The following CDH2 variants were observed in gnomAD, a reference collection of about 807,000 sequenced individuals.
The protein encoded by CDH2 is cadherin 2, also known as cadherin-2.
In CDH2, 17 loss-of-function variants were observed where a neutral mutation model predicts 92.0. The ratio of observed to expected loss-of-function variants is 0.18; its 90% CI spans 0.13 to 0.28. The LOEUF is 0.28. Ranked by LOEUF, CDH2 falls within the 10% of genes least tolerant of loss-of-function variation. CDH2 has a pLI of 1.00. For synonymous variants in CDH2, 419 were observed against 415.9 expected, an observed-to-expected ratio of 1.01 and a Z score of -0.09; for missense variants, 862 against 1,133.1, an observed-to-expected ratio of 0.76 and a Z score of 3.44.
At chr18:28,030,214 C>G (rs2013658162) in intron 2 of CDH2, among the ~76,000 whole-genome samples, 1 of 151,784 alleles carries the variant, frequency 6.6e-6, no homozygotes, top group Non-Finnish European at 1.5e-5. Context: ...CATTTGACTT[C>G]CATAAGCATA....
At chr18:27,966,980 TA>T (rs1283245134) in intron 14 of CDH2, among the ~76,000 whole-genome samples, 1 of 152,140 alleles carries the variant, frequency 6.6e-6, no homozygotes, top group Non-Finnish European at 1.5e-5. Flanking sequence ...TTATACACTA[TA>T]GTAATAATTT....
intron 2 of CDH2, among the ~76,000 whole-genome samples, chr18:28,074,690 C>CT (rs199791810): frequency 0.22 from 29,744 of 136,008 alleles, 3,426 homozygotes; most frequent in Non-Finnish European, 0.27. Flanking sequence ...TAAAGGAGGC[C>CT]CTTTTTTTTT....
chr18:28,131,393 T>C (rs2015767398), intron 2 of CDH2, among the ~76,000 whole-genome samples: 1 of 152,212 alleles, frequency 6.6e-6, no homozygotes, highest in South Asian at 2.1e-4. Flanking sequence ...TAGCGAGATC[T>C]CAGTGCAAGC....
In CDH2 at chr18:27,963,501, C is replaced by A. The variant is rs779729541; in HGVS notation, c.2370G>T (p.Leu790=). ...CAGGCTCCACAGTGTCAGGCTGCTG[C>A]AGCTGGCTCAAGTCATAGTCCTGCA... The part of the protein sequence containing the change: ...EEDQDYDLSQ[L]QQPDTVEPDA... Residue 790 remains leucine, a synonymous_variant, in exon 15 of 16, where the codon CTG becomes CTT. Coordinates refer to ENST00000269141, the MANE Select transcript of CDH2 (RefSeq NM_001792.5). 1 of 1,613,994 alleles carries A rather than the reference C, an allele frequency of 6.2e-7. No individual in the cohort carries two copies.
rs879180473 is a variant in CDH2, at chr18:28,147,728, A to G, written c.117T>C (p.Asp39=). The G allele has an allele frequency of 2.5e-6, 4 of 1,613,146 alleles. No individual in the cohort carries two copies. Among genetic ancestry groups the G allele is most frequent in the East Asian group, 2.2e-5 (1 of 44,856 alleles). The part of the protein sequence containing the change: ...IALCKTGFPE[D]VYSAVLSKDV... ...CCTTCGATAAGACTGCACTGTAAAC[A>G]TCTTCAGGAAATCCAGTCTTGCATA... Residue 39 remains aspartate, a synonymous_variant, in exon 2 of 16, where the codon GAT becomes GAC. Coordinates refer to ENST00000269141, the MANE Select transcript of CDH2 (RefSeq NM_001792.5).
rs145993209 is a variant in CDH2 at position 28,149,495 on chromosome 18, C to T, written c.61-1711G>A. Reference sequence around the variant, plus strand: ...TGACTATTTAGTAAGTTCAGAAACCCATTTGTGTGACATCCCAAATTCAGA... The same window carrying T: ...TGACTATTTAGTAAGTTCAGAAACCTATTTGTGTGACATCCCAAATTCAGA... On this transcript the variant is annotated intron_variant, in intron 1 of 15. Coordinates refer to ENST00000269141, the MANE Select transcript of CDH2 (RefSeq NM_001792.5). Among the ~76,000 whole-genome samples the T allele has an allele frequency of 7.9e-3, 1,203 of 152,148 alleles. 6 individuals carry two copies. Among genetic ancestry groups the T allele is most frequent in the Non-Finnish European group, 0.01 (706 of 67,974 alleles).
downstream of CDH2, among the ~76,000 whole-genome samples, chr18:27,950,207 C>A (rs768854282): frequency 6.6e-6 from 1 of 151,876 alleles, no homozygotes; most frequent in African/African-American, 2.4e-5. Context: ...TATAAAATAA[C>A]CTTTATGTTA....
rs200324494 is a variant in CDH2, at chr18:27,985,537, G to T, written c.1966C>A (p.Arg656=). ...ATTAACCTGTTCTTACCATTAAGCC[G>T]AGTGATGGTCCAATTTCTCTTAATA... ...VTIKRNWTIT[R]LNGDFAQLNL... Residue 656 remains arginine (R), a synonymous_variant, in exon 12 of 16, where the codon CGG becomes AGG. Coordinates refer to ENST00000269141, the MANE Select transcript of CDH2 (RefSeq NM_001792.5). 2.5e-6 allele frequency: 4 copies of T among 1,603,646 alleles called. No individual in the cohort carries two copies. The East Asian group carries it at 6.7e-5, about 27-fold the overall frequency.
intron 2 of CDH2, among the ~76,000 whole-genome samples, chr18:28,077,519 A>G (rs748370144): frequency 1.3e-5 from 2 of 152,152 alleles, no homozygotes; most frequent in African/African-American, 4.8e-5. Flanking sequence ...TTTTAACTCT[A>G]AAAGTCCTCC....
At chr18:28,156,291 G>T (rs552131035) in intron 1 of CDH2, among the ~76,000 whole-genome samples, 1 of 152,320 alleles carries the variant, frequency 6.6e-6, no homozygotes, top group South Asian at 2.1e-4. Flanking sequence ...ACAGGAACCT[G>T]CAAACTGTTG....
At chr18:28,162,078 G>C (rs1435115948) in intron 1 of CDH2, among the ~76,000 whole-genome samples, 1 of 152,166 alleles carries the variant, frequency 6.6e-6, no homozygotes, top group Non-Finnish European at 1.5e-5. Flanking sequence ...GGTTCTCTAT[G>C]TACTGATTCT....
rs763789703 is a variant in CDH2, at chr18:27,985,098, T to A, written c.2111A>T (p.Asp704Val). Residue 704 changes from aspartate to valine, a missense_variant, in exon 13 of 16, where the codon GAC (aspartate) becomes GTC (valine). By Grantham distance (152) the Asp-to-Val change is radical. Coordinates refer to ENST00000269141, the MANE Select transcript of CDH2 (RefSeq NM_001792.5). The part of the protein sequence containing the change: ...SILRVKVCQC[D>V]SNGDCTDVDR... Reference sequence around the variant, plus strand: ...CACATCTGTGCAGTCCCCGTTGGAGTCACACTGGCAAACCTTCACACGCAG... The same window carrying A: ...CACATCTGTGCAGTCCCCGTTGGAGACACACTGGCAAACCTTCACACGCAG... 3 of 1,614,008 alleles carry A rather than the reference T, an allele frequency of 1.9e-6. No homozygotes were observed. Among genetic ancestry groups the A allele is most frequent in the Admixed American group, 3.3e-5 (2 of 60,022 alleles).
Position 27,992,748 on chromosome 18 carries a change from G to C in CDH2, c.1251C>G (p.Asn417Lys). 1 of 1,613,906 alleles carries C rather than the reference G, an allele frequency of 6.2e-7. No homozygotes were observed. Residue 417 changes from asparagine (N) to lysine (K), a missense_variant, in exon 9 of 16, where the codon AAC (asparagine) becomes AAG (lysine). Physicochemically the swap from Asn to Lys is moderately conservative, Grantham distance 94. Transcript: ENST00000269141. ...CTCCGCCACTGATTCTGTACACTGC[G>C]TTCCAGGCTGGTGTATGGGGTTGAT... ...DKDQPHTPAW[N>K]AVYRISGGDP...
chr18:28,052,295 A>G (rs9789221), intron 2 of CDH2, among the ~76,000 whole-genome samples: 24,994 of 152,154 alleles, frequency 0.16, 2,388 homozygotes, highest in East Asian at 0.3. Flanking sequence ...CATGGTATCA[A>G]TATCTGTATC....
At chr18:27,970,225 CA>C (rs2011623503) in intron 14 of CDH2, among the ~76,000 whole-genome samples, 1 of 152,070 alleles carries the variant, frequency 6.6e-6, no homozygotes, top group Non-Finnish European at 1.5e-5. Context: ...AAGAGAAACA[CA>C]TTTCTTAACC....
Position 27,952,080 on chromosome 18 carries a change from G to T in CDH2, c.*73C>A. ...TAGTAGACTACAAAGTTAAAGCCTAGCTTCTGAATGCTTTTTGGGAATATC... is the reference window on the plus strand; with the variant it reads ...TAGTAGACTACAAAGTTAAAGCCTATCTTCTGAATGCTTTTTGGGAATATC... On this transcript the variant is annotated 3_prime_UTR_variant, in exon 16 of 16. Coordinates refer to ENST00000269141, the MANE Select transcript of CDH2 (RefSeq NM_001792.5). 1 of 1,313,378 alleles carries T rather than the reference G, an allele frequency of 7.6e-7. No individual in the cohort carries two copies. The highest frequency in any genetic ancestry group is 1.1e-6 in the Non-Finnish European group (1 of 909,246). 81.4% of individuals were successfully genotyped at this position (1,313,378 alleles called of 1,614,324 possible). A position where few individuals can be genotyped will look rare whatever the true frequency, so the allele number is the denominator to read the frequency against.
At chr18:28,032,740 T>C (rs758020708) in intron 2 of CDH2, among the ~76,000 whole-genome samples, 3 of 152,114 alleles carry the variant, frequency 2.0e-5, no homozygotes, top group Non-Finnish European at 4.4e-5. Flanking sequence ...GTAAGTTTCC[T>C]GGTCACATTG....
intron 2 of CDH2, among the ~76,000 whole-genome samples, chr18:28,078,413 G>A (rs552415977): frequency 4.6e-5 from 7 of 152,228 alleles, no homozygotes; most frequent in African/African-American, 1.7e-4. Context: ...CAATGGGAAA[G>A]GTAGAGTGTT....
chr18:27,972,186 T>C (rs2011681467), intron 14 of CDH2, among the ~76,000 whole-genome samples: 1 of 152,194 alleles, frequency 6.6e-6, no homozygotes, highest in Non-Finnish European at 1.5e-5. Context: ...CTTGGCTGCT[T>C]AGATTGCTTC....
Sources: gnomAD v4.1 joint callset for allele counts (sites outside exome capture counted in the v4.1 genomes callset) on GRCh38, gnomAD v4.1.1 for gene constraint, MANE v1.5 for transcripts, NCBI Gene and HGNC (gene_info 2026-07-23, HGNC 2026-07-21) for gene names.